LINGO2: variants seen among roughly 807,000 people sequenced by gnomAD.
LINGO2 encodes the protein leucine rich repeat and Ig domain containing 2, also known as leucine-rich repeat and immunoglobulin-like domain-containing nogo receptor-interacting protein 2.
LINGO2 carries 14 observed loss-of-function variants against 30.6 expected under a neutral mutation model. That is an observed-to-expected ratio of 0.46 (90% confidence interval 0.30 to 0.72). LINGO2 has a LOEUF of 0.72. LINGO2 is among the 30% of genes least tolerant of loss of function. The pLI, the probability that LINGO2 is intolerant of heterozygous loss-of-function variation, is 0.07. For missense variants in LINGO2, 729 were observed against 751.7 expected (o/e 0.97, Z 0.35); for synonymous variants, 317 against 288.5 (o/e 1.10, Z -1.00).
chr9:28,985,666 G>A, the LINGO2 span, among the ~76,000 whole-genome samples: 10 of 151,936 alleles, frequency 6.6e-5, no homozygotes, highest in Non-Finnish European at 1.2e-4. Flanking sequence ...GTCTTCCTTT[G>A]AGAAATTTCC....
At chr9:28,141,109 G>A (rs577723722) in intron 4 of LINGO2, among the ~76,000 whole-genome samples, 2 of 152,138 alleles carry the variant, frequency 1.3e-5, no homozygotes, top group South Asian at 4.1e-4. Flanking sequence ...ATATAGATGA[G>A]AAAAGAAATT....
At chr9:28,710,693 T>TC in the LINGO2 span, among the ~76,000 whole-genome samples, 3 of 152,208 alleles carry the variant, frequency 2.0e-5, no homozygotes, top group Admixed American at 2.0e-4. Flanking sequence ...AATGCCACTG[T>TC]CCTAGGAATA....
chr9:28,481,556 C>T (rs576143714), intron 1 of LINGO2, among the ~76,000 whole-genome samples: 5 of 152,100 alleles, frequency 3.3e-5, no homozygotes, highest in African/African-American at 1.2e-4. Flanking sequence ...TGCTAACTCC[C>T]TCTATTACTT....
chr9:29,064,571 A>T, the LINGO2 span, among the ~76,000 whole-genome samples: 2 of 152,002 alleles, frequency 1.3e-5, no homozygotes, highest in Admixed American at 6.6e-5. Flanking sequence ...CACTCCTCTA[A>T]CCTCTTTTAC....
the LINGO2 span, among the ~76,000 whole-genome samples, chr9:28,865,628 C>A: frequency 1.3e-5 from 2 of 152,028 alleles, no homozygotes; most frequent in African/African-American, 4.8e-5. Context: ...TAGAAAAATA[C>A]AAGAAATTGG....
chr9:28,050,595 A>T lies in LINGO2; in HGVS notation c.-86-38190T>A, dbSNP rs540130295. Among the ~76,000 whole-genome samples, 3 of 150,804 alleles carry T rather than the reference A, an allele frequency of 2.0e-5. No individual in the cohort carries two copies. In the South Asian group the frequency reaches 6.4e-4, roughly 32 times the overall value. ...ATACTCCAGAATAACAGTTAAAAGA[A>T]CACTACTATGCTAATTAGAAACAAT... On this transcript the variant is annotated intron_variant, in intron 4 of 5. Transcript: ENST00000379992.
At chr9:28,828,906 G>A in the LINGO2 span, among the ~76,000 whole-genome samples, 14 of 152,164 alleles carry the variant, frequency 9.2e-5, no homozygotes, top group African/African-American at 3.1e-4. Flanking sequence ...AGAAGGCAGG[G>A]AAATTCTGGG....
the LINGO2 span, among the ~76,000 whole-genome samples, chr9:28,744,104 A>AT: frequency 1.7e-4 from 23 of 132,376 alleles, no homozygotes; most frequent in Admixed American, 3.5e-4. Flanking sequence ...ATATATATAT[A>AT]TATATTTTTT....
intron 4 of LINGO2, among the ~76,000 whole-genome samples, chr9:28,018,616 G>GTTTGT (rs1822958887): frequency 6.6e-6 from 1 of 152,058 alleles, no homozygotes; most frequent in South Asian, 2.1e-4. Context: ...AATCACTGGG[G>GTTTGT]AAATGCAAAT....
At chr9:28,172,841 G>C (rs1828641782) in intron 4 of LINGO2, among the ~76,000 whole-genome samples, 1 of 152,136 alleles carries the variant, frequency 6.6e-6, no homozygotes, top group Non-Finnish European at 1.5e-5. Flanking sequence ...GGAACAGAAT[G>C]CTGGTTGAAA....
chr9:28,624,612 GAT>G (rs1377694380), intron 1 of LINGO2, among the ~76,000 whole-genome samples: 11 of 149,842 alleles, frequency 7.3e-5, no homozygotes, highest in African/African-American at 2.5e-4. Context: ...ATTCATCAGA[GAT>G]ATTAGCCTGT....
chr9:28,880,660 G>C, the LINGO2 span, among the ~76,000 whole-genome samples: 2 of 152,226 alleles, frequency 1.3e-5, no homozygotes, highest in East Asian at 1.9e-4. Flanking sequence ...GTGCTGAGGG[G>C]GACTGGTGAA....
the LINGO2 span, among the ~76,000 whole-genome samples, chr9:29,164,465 G>C: frequency 1.3e-5 from 2 of 151,570 alleles, no homozygotes; most frequent in African/African-American, 2.4e-5. Flanking sequence ...CTCTCACCTG[G>C]TGAGTTATTT....
chr9:28,571,698 A>T (rs903281706), intron 1 of LINGO2, among the ~76,000 whole-genome samples: 5 of 152,006 alleles, frequency 3.3e-5, no homozygotes, highest in Admixed American at 3.3e-4. Context: ...CAGACATTTT[A>T]AAATGTCCTA....
the LINGO2 span, among the ~76,000 whole-genome samples, chr9:28,879,750 T>C: frequency 6.6e-6 from 1 of 152,158 alleles, no homozygotes; most frequent in Non-Finnish European, 1.5e-5. Context: ...ATCACCACTG[T>C]GAGTAGATCT....
intron 4 of LINGO2, among the ~76,000 whole-genome samples, chr9:28,170,795 C>G (rs1828559798): frequency 6.6e-6 from 1 of 152,172 alleles, no homozygotes; most frequent in African/African-American, 2.4e-5. Flanking sequence ...CCTTCTCTGA[C>G]TTTGATTCTT....
the LINGO2 span, among the ~76,000 whole-genome samples, chr9:28,713,274 G>T: frequency 1.4e-4 from 21 of 151,936 alleles, no homozygotes; most frequent in Non-Finnish European, 2.5e-4. Context: ...TATACAAACG[G>T]TCATACAAAT....
chr9:28,410,204 T>C (rs1587631899), intron 2 of LINGO2, among the ~76,000 whole-genome samples: 1 of 151,136 alleles, frequency 6.6e-6, no homozygotes. Flanking sequence ...AAGGAAGAAA[T>C]AGAGGTTATA....
intron 4 of LINGO2, among the ~76,000 whole-genome samples, chr9:28,017,258 A>G (rs879118711): frequency 1.3e-5 from 2 of 152,168 alleles, no homozygotes; most frequent in Non-Finnish European, 2.9e-5. Context: ...AAAGCTGGAA[A>G]CATTCTCCTT....
Sources: allele counts gnomAD v4.1 joint callset (sites outside exome capture counted in the v4.1 genomes callset), GRCh38; gene constraint gnomAD v4.1.1; transcripts MANE v1.5; gene names NCBI Gene and HGNC (gene_info 2026-07-23, HGNC 2026-07-21).